The following CSMD1 variants were observed in gnomAD, a reference collection of about 807,000 sequenced individuals.
The protein encoded by CSMD1 is CUB and Sushi multiple domains 1, also known as CUB and sushi domain-containing protein 1.
CSMD1 carries 213 observed loss-of-function variants against 417.5 expected under a neutral mutation model. The ratio of observed to expected loss-of-function variants is 0.51; its 90% CI spans 0.46 to 0.57. The LOEUF (loss-of-function observed/expected upper bound fraction) is 0.57, where lower values mean the gene tolerates loss of function less well. CSMD1 is among the 20% of genes least tolerant of loss of function. The probability of loss-of-function intolerance (pLI) is 0.00; values close to 1 mark genes in which losing one functional copy is unlikely to be tolerated. For missense variants in CSMD1, 6,923 were observed against 4,529.7 expected (o/e 1.53, Z -15.17); for synonymous variants, 2,862 against 1,736.8 (o/e 1.65, Z -16.11).
intron 1 of CSMD1, among the ~76,000 whole-genome samples, chr8:4,758,083 T>C (rs1407392208): frequency 6.6e-6 from 1 of 151,908 alleles, no homozygotes; most frequent in Non-Finnish European, 1.5e-5. Context: ...TTTTCTCAGG[T>C]GAGAAATTTC....
intron 1 of CSMD1, among the ~76,000 whole-genome samples, chr8:4,749,299 T>C (rs1388779576): frequency 6.6e-6 from 1 of 152,246 alleles, no homozygotes; most frequent in Non-Finnish European, 1.5e-5. Flanking sequence ...CCAAGGTTAC[T>C]TTTAGTTTGA....
chr8:4,635,293 A>G (rs1355795322), intron 2 of CSMD1, among the ~76,000 whole-genome samples: 1 of 152,120 alleles, frequency 6.6e-6, no homozygotes, highest in African/African-American at 2.4e-5. Flanking sequence ...CAAACTCCAA[A>G]ATGAAATATG....
intron 2 of CSMD1, among the ~76,000 whole-genome samples, chr8:4,445,423 C>G (rs541650562): frequency 6.6e-6 from 1 of 152,180 alleles, no homozygotes; most frequent in East Asian, 1.9e-4. Context: ...CTATTTCTTA[C>G]TGTACCAAAT....
chr8:3,370,794 G>A (rs1809897502), intron 18 of CSMD1, among the ~76,000 whole-genome samples: 1 of 152,140 alleles, frequency 6.6e-6, no homozygotes, highest in African/African-American at 2.4e-5. Flanking sequence ...GGCCAGCATG[G>A]CAAAACCCCA....
In CSMD1 at chr8:4,296,685, C is replaced by T. The variant is rs118033180; in HGVS notation, c.415+123268G>A. On this transcript the variant is annotated intron_variant, in intron 3 of 69. Coordinates refer to ENST00000635120, the MANE Select transcript of CSMD1 (RefSeq NM_033225.6). ...CCCTAGGCTTGGGTCCCTGAAAACA[C>T]GAAAATAAGGGTTTTTTTTTTTTTT... is the stretch of plus-strand genomic sequence containing the variant. Among the ~76,000 whole-genome samples, 138 of 133,356 alleles carry T rather than the reference C, an allele frequency of 1.0e-3. No individual in the cohort carries two copies. In the East Asian group the frequency reaches 0.011, roughly 10 times the overall value. The allele number at this position is 133,356 out of a possible 152,430, so 87.5% of individuals were successfully genotyped here.
chr8:3,988,080 G>A (rs182591436), intron 5 of CSMD1, among the ~76,000 whole-genome samples: 1 of 152,208 alleles, frequency 6.6e-6, no homozygotes, highest in African/African-American at 2.4e-5. Context: ...TAGGGAAGCT[G>A]TTGAAATATT....
intron 8 of CSMD1, among the ~76,000 whole-genome samples, chr8:3,599,830 G>C (rs1451748531): frequency 1.3e-5 from 2 of 152,174 alleles, no homozygotes. Context: ...TCTGCTGGGA[G>C]CAACAGATCT....
chr8:4,118,986 C>A (rs1042497175), intron 3 of CSMD1, among the ~76,000 whole-genome samples: 1 of 152,112 alleles, frequency 6.6e-6, no homozygotes, highest in Non-Finnish European at 1.5e-5. Flanking sequence ...CAAACTAACA[C>A]AAGAACGGCA....
chr8:3,759,236 C>T (rs768335299), intron 5 of CSMD1, among the ~76,000 whole-genome samples: 3 of 152,132 alleles, frequency 2.0e-5, no homozygotes, highest in Non-Finnish European at 4.4e-5. Flanking sequence ...TCAACCATAT[C>T]TCCATAAAGT....
intron 30 of CSMD1, among the ~76,000 whole-genome samples, chr8:3,209,920 C>G (rs1797506431): frequency 6.6e-6 from 1 of 152,066 alleles, no homozygotes; most frequent in Non-Finnish European, 1.5e-5. Flanking sequence ...AACTAGCAAA[C>G]AGAAGTCATT....
At chr8:4,203,333 T>G (rs1252992807) in intron 3 of CSMD1, among the ~76,000 whole-genome samples, 2 of 152,152 alleles carry the variant, frequency 1.3e-5, no homozygotes, top group African/African-American at 4.8e-5. Flanking sequence ...GAGACCCATC[T>G]GCAGGTTAGA....
chr8:3,531,360 G>C (rs989933356), intron 10 of CSMD1, among the ~76,000 whole-genome samples: 6 of 152,100 alleles, frequency 3.9e-5, no homozygotes, highest in Non-Finnish European at 8.8e-5. Context: ...GACTTATGCG[G>C]CATTTGCTCA....
At position 4,909,480 on chromosome 8, in the gene CSMD1, C is replaced by G. The variant is rs62488165; in HGVS notation, c.85+84852G>C. Among the ~76,000 whole-genome samples the G allele has an allele frequency of 5.2e-3, 788 of 152,240 alleles. 3 individuals carry two copies. The highest frequency in any genetic ancestry group is 8.6e-3 in the Non-Finnish European group (582 of 68,004). ...GGAAGTAACACCCTTCCCTGATAACCTTCTAGCAGAGATTTTTCCCTAAAG... is the reference window on the plus strand; with the variant it reads ...GGAAGTAACACCCTTCCCTGATAACGTTCTAGCAGAGATTTTTCCCTAAAG... On this transcript the variant is annotated intron_variant, in intron 1 of 69. Transcript: ENST00000635120.
intron 1 of CSMD1, among the ~76,000 whole-genome samples, chr8:4,801,800 A>C (rs12677863): frequency 0.055 from 8,421 of 152,232 alleles, 398 homozygotes; most frequent in East Asian, 0.23. Context: ...AAAAAGAGAA[A>C]TGAATACAGC....
chr8:3,249,320 C>T (rs1307004038), intron 26 of CSMD1, among the ~76,000 whole-genome samples: 1 of 152,138 alleles, frequency 6.6e-6, no homozygotes, highest in Admixed American at 6.5e-5. Flanking sequence ...CTCCTGGGTT[C>T]ATGTGATTCT....
rs1301587860 is a variant in CSMD1 at position 3,882,504 on chromosome 8, G to T, written c.818+115399C>A. ...TTTGCAAAACTATTAGACTCTCTCT[G>T]CCTCGGTTGAGCACATGCATACACT... On this transcript the variant is annotated intron_variant, in intron 5 of 69. Coordinates refer to ENST00000635120, the MANE Select transcript of CSMD1 (RefSeq NM_033225.6). 2.0e-5 allele frequency among the ~76,000 whole-genome samples: 3 copies of T among 152,166 alleles called. No individual in the cohort carries two copies. In the South Asian group the frequency reaches 6.2e-4, roughly 32 times the overall value.
chr8:4,159,854 C>T (rs1326039542), intron 3 of CSMD1, among the ~76,000 whole-genome samples: 1 of 152,026 alleles, frequency 6.6e-6, no homozygotes, highest in Non-Finnish European at 1.5e-5. Context: ...AAACTAAAGA[C>T]CGTATGTTCT....
intron 12 of CSMD1, among the ~76,000 whole-genome samples, chr8:3,439,785 T>A (rs979064632): frequency 6.6e-6 from 1 of 152,188 alleles, no homozygotes; most frequent in African/African-American, 2.4e-5. Flanking sequence ...CTTTTATATG[T>A]TTACATTTAC....
At chr8:3,377,374 C>G (rs1243506367) in intron 18 of CSMD1, among the ~76,000 whole-genome samples, 3 of 152,146 alleles carry the variant, frequency 2.0e-5, no homozygotes, top group African/African-American at 7.2e-5. Context: ...CTGCAAATTA[C>G]AGTCATGCTA....
Sources: gnomAD v4.1 joint callset for allele counts (sites outside exome capture counted in the v4.1 genomes callset) on GRCh38, gnomAD v4.1.1 for gene constraint, MANE v1.5 for transcripts, NCBI Gene and HGNC (gene_info 2026-07-23, HGNC 2026-07-21) for gene names.